Variants in OSBPL10 observed in about 807,000 individuals in gnomAD.
OSBPL10 encodes oxysterol binding protein like 10.
In OSBPL10, 49 loss-of-function variants were observed where a neutral mutation model predicts 81.7. The ratio of observed to expected loss-of-function variants is 0.60; its 90% confidence interval spans 0.48 to 0.76. The LOEUF (loss-of-function observed/expected upper bound fraction) is 0.76. Among genes scored for constraint, OSBPL10 ranks in the 30% least tolerant of loss-of-function variants. The pLI is 0.00. For synonymous variants in OSBPL10, 419 were observed against 383.6 expected (o/e 1.09, Z -1.08); for missense variants, 923 against 987.8 (o/e 0.93, Z 0.88).
intron 7 of OSBPL10, among the ~76,000 whole-genome samples, chr3:31,693,567 ATATACCAGGG>A (rs1388628370): frequency 6.6e-6 from 1 of 152,222 alleles, no homozygotes; most frequent in African/African-American, 2.4e-5. Flanking sequence ...GTGTGATTCT[ATATACCAGGG>A]GTCAACAAAC....
chr3:31,879,667 A>G lies in OSBPL10; in HGVS notation c.445T>C (p.Phe149Leu). 6.2e-7 allele frequency: 1 copy of G among 1,612,214 alleles called. No individual in the cohort carries two copies. Reference sequence around the variant, plus strand: ...GAGAAGAACGCACCTCTCAGTTTAAACATCTCTCCATTAGCAGAGTACACC... The same window carrying G: ...GAGAAGAACGCACCTCTCAGTTTAAGCATCTCTCCATTAGCAGAGTACACC... ...LVVYSANGEM[F>L]KLRAADAKEK... is the part of the protein sequence containing the mutation. Residue 149 changes from phenylalanine to leucine, a missense_variant, in exon 2 of 12, where the codon TTT becomes CTT. Physicochemically the swap from Phe to Leu is conservative, Grantham distance 22. Around this residue, in one of 3 missense-constraint regions of OSBPL10, gnomAD observed 514 missense variants for 508.0 expected, o/e 1.01. Coordinates refer to ENST00000396556, the MANE Select transcript of OSBPL10 (RefSeq NM_017784.5).
At chr3:31,668,343 C>T (rs952935927) in intron 10 of OSBPL10, among the ~76,000 whole-genome samples, 1 of 152,110 alleles carries the variant, frequency 6.6e-6, no homozygotes, top group East Asian at 1.9e-4. Flanking sequence ...TATCAACTCT[C>T]GGTATTTACC....
intron 1 of OSBPL10, among the ~76,000 whole-genome samples, chr3:32,073,537 T>C (rs1163373598): frequency 6.6e-6 from 1 of 152,178 alleles, no homozygotes; most frequent in Non-Finnish European, 1.5e-5. Context: ...CCTACTTCCC[T>C]AAACTCACTC....
intron 1 of OSBPL10, among the ~76,000 whole-genome samples, chr3:32,050,297 T>C (rs1559555155): frequency 6.6e-6 from 1 of 152,254 alleles, no homozygotes; most frequent in Admixed American, 6.5e-5. Flanking sequence ...TGTAGCTTAG[T>C]AGCTAAGGCT....
At chr3:31,693,870 T>G (rs1695631508) in intron 7 of OSBPL10, among the ~76,000 whole-genome samples, 1 of 152,150 alleles carries the variant, frequency 6.6e-6, no homozygotes, top group African/African-American at 2.4e-5. Context: ...TAGGCTTAAG[T>G]GATCCTCCTG....
At chr3:32,037,870 A>G (rs541883232) in intron 2 of OSBPL10, among the ~76,000 whole-genome samples, 28 of 152,304 alleles carry the variant, frequency 1.8e-4, no homozygotes, top group African/African-American at 6.7e-4. Context: ...AGGAGTGAAA[A>G]CAGACTTCAT....
At chr3:31,666,405 C>T (rs138704262) in intron 10 of OSBPL10, among the ~76,000 whole-genome samples, 2 of 152,234 alleles carry the variant, frequency 1.3e-5, no homozygotes, top group Non-Finnish European at 2.9e-5. Context: ...AGGGCTGGCA[C>T]CACTGTGAGA....
intron 2 of OSBPL10, among the ~76,000 whole-genome samples, chr3:32,000,004 A>G (rs1699129819): frequency 6.6e-6 from 1 of 152,162 alleles, no homozygotes; most frequent in Admixed American, 6.5e-5. Flanking sequence ...CTCAGCTATA[A>G]CAGGGAGATG....
intron 4 of OSBPL10, among the ~76,000 whole-genome samples, chr3:31,818,403 A>C (rs1472845720): frequency 6.6e-6 from 1 of 152,128 alleles, no homozygotes; most frequent in Non-Finnish European, 1.5e-5. Context: ...AATTCCGCGA[A>C]CCAATTCCTT....
intron 4 of OSBPL10, among the ~76,000 whole-genome samples, chr3:31,762,658 G>A (rs1383736797): frequency 7.7e-5 from 1 of 12,930 alleles, no homozygotes; most frequent in African/African-American, 7.6e-4. Flanking sequence ...TTGTAGAGAT[G>A]GGGTTTCACC....
At chr3:31,702,212 T>C in intron 7 of OSBPL10, 147 bp downstream of exon 7, 2 of 926,050 alleles carry the variant, frequency 2.2e-6, no homozygotes, top group Non-Finnish European at 3.2e-6. Flanking sequence ...ATACCTGGAA[T>C]ATCCATACTT....
chr3:31,992,083 T>A (rs145130373), intron 2 of OSBPL10, among the ~76,000 whole-genome samples: 3,598 of 146,406 alleles, frequency 0.025, 149 homozygotes, highest in African/African-American at 0.086. Context: ...GAGGCAGAGG[T>A]CGCAGTGAGC....
In OSBPL10 at chr3:31,877,577, G is replaced by GA. The variant is rs34135743; in HGVS notation, c.458-1066dup. The stretch of plus-strand genomic sequence containing the variant: ...TACTAGCTGCATAAATGTTGACTAT[G>GA]AAAAAAAAAAACAACGATTCCCTGG... On this transcript the variant is annotated intron_variant, in intron 2 of 11. Transcript: ENST00000396556. Among the ~76,000 whole-genome samples, 376 of 145,166 alleles carry GA rather than the reference G, an allele frequency of 2.6e-3. 7 individuals carry two copies. The highest frequency in any genetic ancestry group is 0.011 in the Middle Eastern group (3 of 280).
chr3:32,027,515 CAATT>C (rs200655863), intron 2 of OSBPL10, among the ~76,000 whole-genome samples: 3,087 of 152,236 alleles, frequency 0.02, 100 homozygotes, highest in African/African-American at 0.067. Flanking sequence ...CAAATGTTAA[CAATT>C]AATAATTCTT....
intron 6 of OSBPL10, chr3:31,709,099 G>A (rs1157610803): frequency 6.5e-6 from 6 of 920,704 alleles, no homozygotes; most frequent in African/African-American, 1.8e-5. Context: ...AGGGGAACCC[G>A]ATGGAGAAGC....
chr3:31,752,864 T>C (rs112757997), intron 4 of OSBPL10, among the ~76,000 whole-genome samples: 3,864 of 152,280 alleles, frequency 0.025, 80 homozygotes, highest in Middle Eastern at 0.037. Context: ...ACTCCTCCAT[T>C]ACTCTCCAAA....
intron 4 of OSBPL10, among the ~76,000 whole-genome samples, chr3:31,800,827 AT>A (rs1237168148): frequency 6.6e-6 from 1 of 152,236 alleles, no homozygotes; most frequent in Non-Finnish European, 1.5e-5. Flanking sequence ...CAGAAGAAAA[AT>A]GTCATCAGAA....
intron 1 of OSBPL10, among the ~76,000 whole-genome samples, chr3:31,899,194 G>A (rs904417250): frequency 2.0e-5 from 3 of 151,776 alleles, no homozygotes; most frequent in African/African-American, 4.8e-5. Flanking sequence ...CGCCCATCTC[G>A]GCCTCCCAAA....
intron 6 of OSBPL10, among the ~76,000 whole-genome samples, chr3:31,724,708 C>T (rs918576953): frequency 6.6e-6 from 1 of 152,198 alleles, no homozygotes; most frequent in Non-Finnish European, 1.5e-5. Context: ...ATGCCTTGTA[C>T]TCAGACAGCT....
Sources: allele counts gnomAD v4.1 joint callset (sites outside exome capture counted in the v4.1 genomes callset), GRCh38; gene constraint gnomAD v4.1.1; regional missense constraint gnomAD v4.1.1; transcripts MANE v1.5; gene names NCBI Gene and HGNC (gene_info 2026-07-23, HGNC 2026-07-21).